The following NCKAP5 variants were observed in gnomAD, a reference collection of about 807,000 sequenced individuals.
NCKAP5 encodes nck-associated protein 5.
NCKAP5 carries 92 observed loss-of-function variants against 167.0 expected under a neutral mutation model. The ratio of observed to expected loss-of-function variants is 0.55; its 90% CI spans 0.47 to 0.66. The LOEUF (loss-of-function observed/expected upper bound fraction) is 0.66. Among genes scored for constraint, NCKAP5 ranks in the 30% least tolerant of loss-of-function variants. The pLI is 0.00. For synonymous variants in NCKAP5, 891 were observed against 877.4 expected (o/e 1.02, Z -0.27); for missense variants, 2,378 against 2,315.0 (o/e 1.03, Z -0.56).
At chr2:133,200,955 C>T (rs995464268) in intron 5 of NCKAP5, among the ~76,000 whole-genome samples, 1 of 152,140 alleles carries the variant, frequency 6.6e-6, no homozygotes, top group Non-Finnish European at 1.5e-5. Context: ...GTACCAAACC[C>T]TACATATACT....
At chr2:133,162,532 G>GA (rs2083836402) in intron 5 of NCKAP5, among the ~76,000 whole-genome samples, 1 of 151,884 alleles carries the variant, frequency 6.6e-6, no homozygotes, top group African/African-American at 2.4e-5. Flanking sequence ...TACTATGAGA[G>GA]AAAAAAAATC....
chr2:132,878,647 C>T (rs1691499101), intron 9 of NCKAP5, among the ~76,000 whole-genome samples: 1 of 49,422 alleles, frequency 2.0e-5, no homozygotes. Flanking sequence ...CACACACACA[C>T]ACACACACGC....
chr2:132,965,851 T>C (rs576301214), intron 7 of NCKAP5, among the ~76,000 whole-genome samples: 3 of 151,956 alleles, frequency 2.0e-5, no homozygotes, highest in African/African-American at 7.3e-5. Flanking sequence ...AGTAAAAACA[T>C]GGTATAATCT....
At chr2:133,586,860 G>T in the NCKAP5 span, among the ~76,000 whole-genome samples, 1 of 152,020 alleles carries the variant, frequency 6.6e-6, no homozygotes, top group Non-Finnish European at 1.5e-5. Context: ...GAATGGTGGG[G>T]ACTACGATGA....
At position 132,782,840 on chromosome 2, in the gene NCKAP5, TTGGGAGAGCTTTCCG is replaced by T; in HGVS notation, c.3956_3970del (p.Thr1319_Pro1323del). ...CAACATGGGAGCAGAAGGGGCCTTG[TTGGGAGAGCTTTCCG>T]TGGAAGAGTTCTGCCGGGTAAGAGA... On this transcript the variant is annotated inframe_deletion, in exon 14 of 20. Coordinates refer to ENST00000409261, the MANE Select transcript of NCKAP5 (RefSeq NM_207363.3). The T allele has an allele frequency of 6.2e-7, 1 of 1,613,858 alleles. No individual in the cohort carries two copies. The highest frequency in any genetic ancestry group is 8.5e-7 in the Non-Finnish European group (1 of 1,179,848).
chr2:133,269,295 G>A (rs1251470565), intron 4 of NCKAP5, among the ~76,000 whole-genome samples: 1 of 152,190 alleles, frequency 6.6e-6, no homozygotes, highest in East Asian at 1.9e-4. Context: ...AGTTAGAAAA[G>A]AGTACATAAG....
At chr2:133,672,390 A>G in the NCKAP5 span, among the ~76,000 whole-genome samples, 1 of 152,228 alleles carries the variant, frequency 6.6e-6, no homozygotes, top group African/African-American at 2.4e-5. Context: ...ATCTGTGATA[A>G]GCACAAAAAT....
At chr2:133,558,464 A>C (rs1222803721) in intron 2 of NCKAP5, among the ~76,000 whole-genome samples, 6 of 152,024 alleles carry the variant, frequency 3.9e-5, no homozygotes, top group Admixed American at 3.9e-4. Context: ...AGAGATGTGA[A>C]AGAGGAAGGG....
chr2:132,840,870 C>G (rs1291431870), intron 11 of NCKAP5, among the ~76,000 whole-genome samples: 2 of 151,858 alleles, frequency 1.3e-5, no homozygotes, highest in African/African-American at 4.8e-5. Context: ...CAAATTGTCA[C>G]AAATCTCCAA....
chr2:132,727,438 T>C (rs1402706851), intron 18 of NCKAP5, among the ~76,000 whole-genome samples: 1 of 152,212 alleles, frequency 6.6e-6, no homozygotes, highest in African/African-American at 2.4e-5. Flanking sequence ...CAAAGTGTGT[T>C]CCATGGATCA....
chr2:133,176,758 T>C (rs1182354235), intron 5 of NCKAP5, among the ~76,000 whole-genome samples: 1 of 152,212 alleles, frequency 6.6e-6, no homozygotes, highest in African/African-American at 2.4e-5. Context: ...TGTATGTGAA[T>C]GAAACAAAAC....
At chr2:133,268,503 G>GTTTT (rs2089349304) in intron 4 of NCKAP5, 1 of 98,068 alleles carries the variant, frequency 1.0e-5, no homozygotes, top group Non-Finnish European at 2.0e-5. Context: ...TTTTTTTTGA[G>GTTTT]ACGGAGTCTC....
intron 4 of NCKAP5, among the ~76,000 whole-genome samples, chr2:133,286,692 GA>G (rs1679167167): frequency 6.6e-6 from 1 of 152,090 alleles, no homozygotes; most frequent in Non-Finnish European, 1.5e-5. Flanking sequence ...ATGTCAAGAG[GA>G]AAACTCACAA....
the NCKAP5 span, among the ~76,000 whole-genome samples, chr2:133,673,601 T>C: frequency 6.6e-6 from 1 of 152,192 alleles, no homozygotes; most frequent in Non-Finnish European, 1.5e-5. Flanking sequence ...TATTTAAGGT[T>C]TCTTTCATTG....
intron 4 of NCKAP5, among the ~76,000 whole-genome samples, chr2:133,269,229 A>C (rs1438110898): frequency 2.6e-5 from 4 of 152,258 alleles, no homozygotes; most frequent in Non-Finnish European, 4.4e-5. Context: ...TATATGAAGG[A>C]AAAATCAAAC....
chr2:133,129,054 A>G (rs1483853380), intron 6 of NCKAP5, among the ~76,000 whole-genome samples: 1 of 147,876 alleles, frequency 6.8e-6, no homozygotes, highest in Non-Finnish European at 1.5e-5. Context: ...TTAAAATAGG[A>G]TTGCGATGAC....
intron 4 of NCKAP5, among the ~76,000 whole-genome samples, chr2:133,289,690 C>G (rs1679422954): frequency 6.6e-6 from 1 of 150,536 alleles, no homozygotes; most frequent in Non-Finnish European, 1.5e-5. Context: ...GAGTCCGTCT[C>G]CAAAAAAAAT....
At chr2:132,881,611 T>C (rs1423359765) in intron 8 of NCKAP5, among the ~76,000 whole-genome samples, 3 of 145,080 alleles carry the variant, frequency 2.1e-5, no homozygotes, top group Non-Finnish European at 4.5e-5. Context: ...TGAACATCCC[T>C]TAATTTGGGC....
At chr2:133,349,296 T>G (rs1326551680) in intron 3 of NCKAP5, among the ~76,000 whole-genome samples, 1 of 152,150 alleles carries the variant, frequency 6.6e-6, no homozygotes, top group Non-Finnish European at 1.5e-5. Flanking sequence ...AGAAGAGAGT[T>G]TCCAGTTAAC....
Sources: gnomAD v4.1 joint callset for allele counts (sites outside exome capture counted in the v4.1 genomes callset) on GRCh38, gnomAD v4.1.1 for gene constraint, MANE v1.5 for transcripts, NCBI Gene and HGNC (gene_info 2026-07-23, HGNC 2026-07-21) for gene names.